Variants in CAST observed in about 807,000 individuals in gnomAD.
The protein encoded by CAST is MIR583 host.
A neutral mutation model predicts 119.6 loss-of-function variants in CAST; 76 were observed. The ratio of observed to expected loss-of-function variants is 0.64; its 90% CI spans 0.53 to 0.77. CAST has a LOEUF of 0.77. Ranked by LOEUF, CAST falls within the 30% of genes least tolerant of loss-of-function variation. The probability of loss-of-function intolerance (pLI) is 0.00; values close to 1 mark genes in which losing one functional copy is unlikely to be tolerated. For missense variants in CAST, 953 were observed against 946.5 expected, an observed-to-expected ratio of 1.01 and a Z score of -0.09; for synonymous variants, 319 against 331.6, an observed-to-expected ratio of 0.96 and a Z score of 0.41.
the CAST span, among the ~76,000 whole-genome samples, chr5:96,262,527 G>GTTTTGT: frequency 3.3e-5 from 5 of 151,902 alleles, no homozygotes; most frequent in African/African-American, 1.2e-4. Context: ...TTTTTTTGTT[G>GTTTTGT]TTTTGTTTTT....
At chr5:96,234,857 A>G in the CAST span, among the ~76,000 whole-genome samples, 7 of 152,030 alleles carry the variant, frequency 4.6e-5, no homozygotes, top group African/African-American at 1.7e-4. Context: ...TGCTTTATTG[A>G]AGTATAATTT....
At chr5:96,677,984 T>G (rs1750906849) in intron 2 of CAST, among the ~76,000 whole-genome samples, 1 of 152,120 alleles carries the variant, frequency 6.6e-6, no homozygotes, top group Non-Finnish European at 1.5e-5. Flanking sequence ...TATGTGCAAA[T>G]AAGTCATTAA....
rs1369933741 is a variant in CAST, at chr5:96,747,375, C to A, written c.1315C>A (p.Pro439Thr). 1 of 1,592,926 alleles carries A rather than the reference C, an allele frequency of 6.3e-7. No homozygotes were observed. The highest frequency in any genetic ancestry group is 8.6e-7 in the Non-Finnish European group (1 of 1,161,946). Residue 439 changes from proline (P) to threonine (T), a missense_variant, in exon 18 of 32, where the codon CCT becomes ACT. Transcript: ENST00000675179. The stretch of plus-strand genomic sequence containing the variant: ...AGATGGAAAACCACTATTGCCAGAG[C>A]CTGAAGAAAAACCCAAGGTTAGGAA... ...DKDGKPLLPEPEEKPKPRSES... is the reference protein window; with the variant it reads ...DKDGKPLLPETEEKPKPRSES...
In CAST at chr5:96,744,192, ACTC is replaced by A. The variant is rs1480592583; in HGVS notation, c.1200+1440_1200+1442del. 5.9e-5 allele frequency among the ~76,000 whole-genome samples: 9 copies of A among 151,748 alleles called. No individual in the cohort carries two copies. In the South Asian group the frequency reaches 1.5e-3, roughly 25 times the overall value. ...GCAAACTAAAATTCCAGCAAAAAGA[ACTC>A]CTCTTTTCCACTCTTATGACATAAT... On this transcript the variant is annotated intron_variant, in intron 16 of 31. Transcript: ENST00000675179.
At chr5:96,138,447 G>A in the CAST span, among the ~76,000 whole-genome samples, 1 of 151,896 alleles carries the variant, frequency 6.6e-6, no homozygotes, top group African/African-American at 2.4e-5. Context: ...TTATTGTGGT[G>A]GCAATTCTAG....
At chr5:96,482,420 T>C in the CAST span, among the ~76,000 whole-genome samples, 29 of 151,634 alleles carry the variant, frequency 1.9e-4, no homozygotes, top group Non-Finnish European at 3.1e-4. Flanking sequence ...ATAATAAGGA[T>C]ACAATAATGA....
At chr5:96,726,961 G>A (rs1759367861) in intron 5 of CAST, 102 bp downstream of exon 5, 2 of 800,668 alleles carry the variant, frequency 2.5e-6, no homozygotes, top group African/African-American at 1.7e-5. Flanking sequence ...TGTTAACACT[G>A]AGATCCCATC....
the CAST span, among the ~76,000 whole-genome samples, chr5:96,290,448 A>G: frequency 2.3e-4 from 35 of 149,500 alleles, no homozygotes; most frequent in Non-Finnish European, 4.3e-4. Context: ...TTCCCCTTTT[A>G]TTTTCTATTC....
intron 1 of CAST, among the ~76,000 whole-genome samples, chr5:96,619,725 G>C (rs1363504760): frequency 6.6e-6 from 1 of 150,580 alleles, no homozygotes; most frequent in Non-Finnish European, 1.5e-5. Context: ...CAAACTCCAG[G>C]CACACCATCT....
the CAST span, among the ~76,000 whole-genome samples, chr5:96,098,817 GT>G: frequency 6.6e-6 from 1 of 152,078 alleles, no homozygotes. Flanking sequence ...TTCTTTTTTG[GT>G]TCCATATGAA....
the CAST span, among the ~76,000 whole-genome samples, chr5:96,262,750 C>T: frequency 2.6e-5 from 4 of 152,010 alleles, no homozygotes; most frequent in Non-Finnish European, 5.9e-5. Flanking sequence ...TTAGCCAAGA[C>T]GGTCTCGATC....
chr5:96,102,001 T>C, the CAST span, among the ~76,000 whole-genome samples: 4 of 152,250 alleles, frequency 2.6e-5, no homozygotes, highest in Admixed American at 6.5e-5. Context: ...CCTACAACCC[T>C]GGAAGCCTGA....
At chr5:96,671,161 C>T (rs762959542) in intron 1 of CAST, among the ~76,000 whole-genome samples, 15 of 152,080 alleles carry the variant, frequency 9.9e-5, no homozygotes, top group Non-Finnish European at 1.8e-4. Context: ...TTTTCTCTGG[C>T]TCTGAGCTTC....
At chr5:96,436,946 T>C in the CAST span, among the ~76,000 whole-genome samples, 1 of 152,178 alleles carries the variant, frequency 6.6e-6, no homozygotes, top group African/African-American at 2.4e-5. Flanking sequence ...CCACAGACAC[T>C]TTTCACATGA....
At chr5:96,280,297 A>C in the CAST span, among the ~76,000 whole-genome samples, 1 of 151,852 alleles carries the variant, frequency 6.6e-6, no homozygotes, top group Non-Finnish European at 1.5e-5. Flanking sequence ...CCACACACAC[A>C]CTCCTTGGTT....
chr5:96,412,636 T>C, the CAST span: 1 of 756,052 alleles, frequency 1.3e-6, no homozygotes. Context: ...CCAATTTCTG[T>C]AACCCAGCTA....
At chr5:96,687,597 G>T (rs1752229036) in intron 2 of CAST, among the ~76,000 whole-genome samples, 1 of 151,932 alleles carries the variant, frequency 6.6e-6, no homozygotes, top group African/African-American at 2.4e-5. Context: ...GGTATTTTTG[G>T]GCTCTCTCTT....
At chr5:96,765,351 A>G in intron 26 of CAST, 26 bp downstream of exon 26, 1 of 815,932 alleles carries the variant, frequency 1.2e-6, no homozygotes, top group South Asian at 1.7e-5. Context: ...AAAAAAAAAA[A>G]AATTCACTAA....
the CAST span, among the ~76,000 whole-genome samples, chr5:96,174,479 G>C: frequency 3.3e-5 from 5 of 152,226 alleles, no homozygotes; most frequent in Non-Finnish European, 1.5e-5. Context: ...TGTGGGGAAG[G>C]AAAGTCCAGT....
Sources: gnomAD v4.1 joint callset for allele counts (sites outside exome capture counted in the v4.1 genomes callset) on GRCh38, gnomAD v4.1.1 for gene constraint, MANE v1.5 for transcripts, NCBI Gene and HGNC (gene_info 2026-07-23, HGNC 2026-07-21) for gene names.